NRG3: variants seen among roughly 807,000 people sequenced by gnomAD.
NRG3 encodes the protein pro-neuregulin-3, membrane-bound isoform.
A neutral mutation model predicts 66.9 loss-of-function variants in NRG3; 31 were observed. The ratio of observed to expected loss-of-function variants is 0.46; its 90% CI spans 0.35 to 0.63. The LOEUF is 0.63. NRG3 is among the 20% of genes least tolerant of loss of function. The pLI is 0.00. For missense variants in NRG3, 910 were observed against 878.9 expected (o/e 1.04, Z -0.45); for synonymous variants, 393 against 359.4 (o/e 1.09, Z -1.06).
chr10:82,264,195 G>C (rs2078179243), intron 1 of NRG3, among the ~76,000 whole-genome samples: 1 of 152,168 alleles, frequency 6.6e-6, no homozygotes. Flanking sequence ...ACATACCTGA[G>C]ACTGGGTAAT....
At chr10:82,330,764 A>T (rs749501658) in intron 1 of NRG3, among the ~76,000 whole-genome samples, 2 of 152,216 alleles carry the variant, frequency 1.3e-5, no homozygotes, top group Non-Finnish European at 2.9e-5. Flanking sequence ...CCAACTTAAC[A>T]TCTGAAATAT....
intron 2 of NRG3, among the ~76,000 whole-genome samples, chr10:82,410,136 A>G (rs1209467462): frequency 1.3e-5 from 2 of 152,046 alleles, no homozygotes; most frequent in African/African-American, 2.4e-5. Context: ...TAAAAAGAGA[A>G]TTAAGGTTTT....
rs552010533 is a variant in NRG3, at chr10:82,287,813, A to T, written c.824-70926A>T. On this transcript the variant is annotated intron_variant, in intron 1 of 8. Coordinates refer to ENST00000372141, the MANE Select transcript of NRG3 (RefSeq NM_001010848.4). Reference sequence around the variant, plus strand: ...GACTTTGGTCCCGACCTATATGGTGACCATTGGTCCAACATAGGTTGGGAC... The same window carrying T: ...GACTTTGGTCCCGACCTATATGGTGTCCATTGGTCCAACATAGGTTGGGAC... 9.9e-5 allele frequency among the ~76,000 whole-genome samples: 15 copies of T among 152,178 alleles called. 1 individual carries two copies. The East Asian group carries it at 2.7e-3, about 28-fold the overall frequency.
At chr10:82,712,078 C>A (rs980374881) in intron 2 of NRG3, among the ~76,000 whole-genome samples, 2 of 152,120 alleles carry the variant, frequency 1.3e-5, no homozygotes, top group Non-Finnish European at 2.9e-5. Context: ...CCAAAAGAAT[C>A]CTTTGCACCA....
intron 3 of NRG3, among the ~76,000 whole-genome samples, chr10:82,831,428 A>G (rs1190083981): frequency 6.6e-6 from 1 of 151,794 alleles, no homozygotes; most frequent in Non-Finnish European, 1.5e-5. Flanking sequence ...ATTAGAAGAC[A>G]TCTTAATGTA....
At chr10:82,405,764 A>G (rs978548225) in intron 2 of NRG3, among the ~76,000 whole-genome samples, 1 of 152,204 alleles carries the variant, frequency 6.6e-6, no homozygotes, top group Admixed American at 6.5e-5. Flanking sequence ...CACAGCGCCT[A>G]GCCTGGAGTG....
intron 1 of NRG3, among the ~76,000 whole-genome samples, chr10:82,143,180 AATGATGGC>A (rs1269756376): frequency 1.3e-5 from 2 of 152,098 alleles, no homozygotes; most frequent in Non-Finnish European, 2.9e-5. Flanking sequence ...CTGATGCTGA[AATGATGGC>A]ACAGATTGAA....
chr10:82,270,677 T>C (rs1373684164), intron 1 of NRG3, among the ~76,000 whole-genome samples: 2 of 152,114 alleles, frequency 1.3e-5, no homozygotes, highest in African/African-American at 4.8e-5. Context: ...CTCATGAGAA[T>C]GCTGACTGAT....
At chr10:82,749,391 G>A (rs2058769734) in intron 3 of NRG3, among the ~76,000 whole-genome samples, 2 of 151,958 alleles carry the variant, frequency 1.3e-5, no homozygotes, top group South Asian at 4.1e-4. Flanking sequence ...GCTCAAGAAG[G>A]TGTAAAGCCC....
chr10:82,559,115 C>G (rs1410658207), intron 2 of NRG3, among the ~76,000 whole-genome samples: 1 of 152,068 alleles, frequency 6.6e-6, no homozygotes, highest in Non-Finnish European at 1.5e-5. Context: ...TCCTTCCTAA[C>G]TTATTTTCCC....
At chr10:82,838,215 C>G (rs574220657) in intron 3 of NRG3, among the ~76,000 whole-genome samples, 1 of 152,166 alleles carries the variant, frequency 6.6e-6, no homozygotes, top group African/African-American at 2.4e-5. Flanking sequence ...GGGAAGCAGT[C>G]AGAGAGAAGG....
At chr10:82,638,671 G>A (rs1032969956) in intron 2 of NRG3, among the ~76,000 whole-genome samples, 4 of 151,212 alleles carry the variant, frequency 2.6e-5, no homozygotes, top group African/African-American at 9.7e-5. Flanking sequence ...CTTTTGAGAC[G>A]GAGTCTTGCT....
At chr10:81,893,445 C>T (rs1843215746) in intron 1 of NRG3, among the ~76,000 whole-genome samples, 1 of 151,010 alleles carries the variant, frequency 6.6e-6, no homozygotes, top group Admixed American at 6.6e-5. Flanking sequence ...ATGGAATGGA[C>T]TTTTTTTTTG....
chr10:82,453,890 G>T (rs565399065), intron 2 of NRG3, among the ~76,000 whole-genome samples: 1 of 152,256 alleles, frequency 6.6e-6, no homozygotes, highest in East Asian at 1.9e-4. Flanking sequence ...TTAGCCACAT[G>T]CTTTTCATGT....
chr10:82,822,390 G>A (rs1296885996), intron 3 of NRG3, among the ~76,000 whole-genome samples: 1 of 152,082 alleles, frequency 6.6e-6, no homozygotes, highest in Non-Finnish European at 1.5e-5. Context: ...GCCCAGCAGG[G>A]AGAGAGGCAC....
intron 2 of NRG3, among the ~76,000 whole-genome samples, chr10:82,584,121 C>T (rs934502913): frequency 4.3e-4 from 66 of 152,134 alleles, no homozygotes; most frequent in African/African-American, 1.6e-3. Flanking sequence ...GTGTCTTGCT[C>T]TGTTGCCCAG....
At position 82,642,037 on chromosome 10, in the gene NRG3, C is replaced by T. The variant is rs1360407329; in HGVS notation, c.954-96540C>T. Among the ~76,000 whole-genome samples, 2 of 151,934 alleles carry T rather than the reference C, an allele frequency of 1.3e-5. 1 individual carries two copies. The highest frequency in any genetic ancestry group is 4.2e-4 in the South Asian group (2 of 4,810). On this transcript the variant is annotated intron_variant, in intron 2 of 8. Transcript: ENST00000372141. ...TTCCACATGTGAGCATGTTATTTACCGCCCACTAAATATCTATGTCCACGT... is the reference window on the plus strand; with the variant it reads ...TTCCACATGTGAGCATGTTATTTACTGCCCACTAAATATCTATGTCCACGT...
At chr10:82,294,286 T>C (rs2079921528) in intron 1 of NRG3, among the ~76,000 whole-genome samples, 1 of 152,232 alleles carries the variant, frequency 6.6e-6, no homozygotes, top group Admixed American at 6.5e-5. Flanking sequence ...TAACCTTGGA[T>C]TGATCCGAGG....
At chr10:82,051,305 A>G (rs1251218964) in intron 1 of NRG3, among the ~76,000 whole-genome samples, 2 of 142,006 alleles carry the variant, frequency 1.4e-5, no homozygotes, top group Non-Finnish European at 3.1e-5. Flanking sequence ...ACTAGCTCTG[A>G]CTCTGCCACT....
Sources: allele counts gnomAD v4.1 joint callset (sites outside exome capture counted in the v4.1 genomes callset), GRCh38; gene constraint gnomAD v4.1.1; transcripts MANE v1.5; gene names NCBI Gene and HGNC (gene_info 2026-07-23, HGNC 2026-07-21).